CSRNP3: variants seen among roughly 807,000 people sequenced by gnomAD.
The protein encoded by CSRNP3 is cysteine/serine-rich nuclear protein 3.
Under a neutral mutation model 48.0 loss-of-function variants are expected in CSRNP3, and 12 were observed. That is an observed-to-expected ratio of 0.25 (90% CI 0.16 to 0.41). The LOEUF (loss-of-function observed/expected upper bound fraction) is 0.41, where lower values mean the gene tolerates loss of function less well. Among genes scored for constraint, CSRNP3 ranks in the 10% least tolerant of loss-of-function variants. CSRNP3 has a pLI of 1.00. For missense variants in CSRNP3, 580 were observed against 724.4 expected (o/e 0.80, Z 2.29); for synonymous variants, 263 against 269.7 (o/e 0.98, Z 0.24).
intron 5 of CSRNP3, among the ~76,000 whole-genome samples, chr2:165,669,806 C>T (rs993882262): frequency 7.2e-5 from 11 of 152,096 alleles, no homozygotes; most frequent in South Asian, 2.1e-4. Context: ...CATGTGCATG[C>T]GTGCCCACTC....
At chr2:165,605,803 A>G (rs1163108016) in intron 4 of CSRNP3, among the ~76,000 whole-genome samples, 2 of 152,188 alleles carry the variant, frequency 1.3e-5, no homozygotes, top group East Asian at 1.9e-4. Flanking sequence ...ATTCAAAATT[A>G]TTCTTCTGAA....
At chr2:165,636,463 A>G (rs555229902) in intron 4 of CSRNP3, among the ~76,000 whole-genome samples, 1 of 152,222 alleles carries the variant, frequency 6.6e-6, no homozygotes, top group South Asian at 2.1e-4. Context: ...GTCTTGAGAT[A>G]TTTTCCCAGT....
intron 5 of CSRNP3, among the ~76,000 whole-genome samples, chr2:165,665,753 T>G (rs1308630868): frequency 8.0e-6 from 1 of 125,248 alleles, no homozygotes; most frequent in Non-Finnish European, 1.6e-5. Context: ...GGCGACAGAG[T>G]GAGATTCTGG....
At chr2:165,548,101 A>C (rs1055642077) in intron 3 of CSRNP3, among the ~76,000 whole-genome samples, 2 of 152,122 alleles carry the variant, frequency 1.3e-5, no homozygotes, top group African/African-American at 2.4e-5. Flanking sequence ...TGTGAAAACT[A>C]ATTTGTGGTT....
intron 4 of CSRNP3, among the ~76,000 whole-genome samples, chr2:165,633,370 C>A (rs531848638): frequency 6.6e-6 from 1 of 152,254 alleles, no homozygotes; most frequent in African/African-American, 2.4e-5. Context: ...TGTGAAGCCT[C>A]GAATTCTGGC....
intron 4 of CSRNP3, 126 bp from the exon 5 acceptor site, chr2:165,657,635 T>A: frequency 8.9e-7 from 1 of 1,129,046 alleles, no homozygotes; most frequent in Non-Finnish European, 1.3e-6. Context: ...GATATAACAG[T>A]TTTAGAGTGC....
At chr2:165,619,356 C>T (rs147950433) in intron 4 of CSRNP3, among the ~76,000 whole-genome samples, 31 of 152,098 alleles carry the variant, frequency 2.0e-4, no homozygotes, top group African/African-American at 7.0e-4. Flanking sequence ...TCATACAATC[C>T]GAAAACTACA....
chr2:165,608,934 CAA>C (rs33952227), intron 4 of CSRNP3, among the ~76,000 whole-genome samples: 22,368 of 75,712 alleles, frequency 0.3, 2,026 homozygotes, highest in Admixed American at 0.39. Context: ...ACTAAAAATA[CAA>C]AAAAAAAAAA....
intron 4 of CSRNP3, among the ~76,000 whole-genome samples, chr2:165,632,021 T>C (rs1486890009): frequency 6.6e-6 from 1 of 152,256 alleles, no homozygotes; most frequent in South Asian, 2.1e-4. Flanking sequence ...TCAAGACTTG[T>C]TTGCAGAATT....
rs78315589 is a variant in CSRNP3, at chr2:165,657,805, G to A, written c.193G>A (p.Val65Ile). 5.0e-6 allele frequency: 8 copies of A among 1,614,066 alleles called. No homozygotes were observed. Among genetic ancestry groups the A allele is most frequent in the Non-Finnish European group, 6.8e-6 (8 of 1,179,992 alleles). ...KREKRLRTKN[V>I]HFSCVTVYYF... Reference sequence around the variant, plus strand: ...GGAGAAACGACTGAGGACAAAGAATGTACATTTTAGTTGTGTCACCGTGTA... The same window carrying A: ...GGAGAAACGACTGAGGACAAAGAATATACATTTTAGTTGTGTCACCGTGTA... The change falls in exon 5 of 7, where the codon GTA (valine) becomes ATA (isoleucine). Residue 65 changes from valine to isoleucine, a missense_variant. Coordinates refer to ENST00000651982, the MANE Select transcript of CSRNP3 (RefSeq NM_001172173.2).
chr2:165,578,925 A>T (rs1685496763), intron 3 of CSRNP3, among the ~76,000 whole-genome samples: 1 of 152,100 alleles, frequency 6.6e-6, no homozygotes, highest in South Asian at 2.1e-4. Flanking sequence ...GGTACTTAAA[A>T]CCTGTAAGCC....
Position 165,590,613 on chromosome 2 carries a change from G to T in CSRNP3, c.-23-4430G>T, listed in dbSNP as rs573419411. Among the ~76,000 whole-genome samples, 3 of 152,248 alleles carry T rather than the reference G, an allele frequency of 2.0e-5. No homozygotes were observed. The South Asian group carries it at 6.2e-4, about 32-fold the overall frequency. ...GGGATGGACCCGGTGGGAGGTAATT[G>T]AATCATGGAGGCCGTTACCTTCATG... is the stretch of plus-strand genomic sequence containing the variant. On this transcript the variant is annotated intron_variant, in intron 3 of 6. Coordinates refer to ENST00000651982, the MANE Select transcript of CSRNP3 (RefSeq NM_001172173.2).
chr2:165,621,805 C>G (rs1435763275), intron 4 of CSRNP3, among the ~76,000 whole-genome samples: 1 of 152,162 alleles, frequency 6.6e-6, no homozygotes, highest in Non-Finnish European at 1.5e-5. Flanking sequence ...CTTCCTTTCT[C>G]TACTGCCCTG....
chr2:165,625,847 C>T (rs1335824301), intron 4 of CSRNP3, among the ~76,000 whole-genome samples: 9 of 149,596 alleles, frequency 6.0e-5, no homozygotes, highest in Non-Finnish European at 1.0e-4. Context: ...GCAGGAGAAT[C>T]GCGTGAACTC....
chr2:165,590,822 C>T (rs1407928052), intron 3 of CSRNP3, among the ~76,000 whole-genome samples: 1 of 152,206 alleles, frequency 6.6e-6, no homozygotes, highest in East Asian at 1.9e-4. Flanking sequence ...GTCAATTAAA[C>T]CTCTTTTCTT....
chr2:165,593,514 G>T (rs1685757906), intron 3 of CSRNP3, among the ~76,000 whole-genome samples: 1 of 152,144 alleles, frequency 6.6e-6, no homozygotes, highest in South Asian at 2.1e-4. Flanking sequence ...CATTCAGGTA[G>T]CACACTTTGC....
At chr2:165,565,466 T>C (rs1685285277) in intron 3 of CSRNP3, among the ~76,000 whole-genome samples, 2 of 152,076 alleles carry the variant, frequency 1.3e-5, no homozygotes, top group African/African-American at 2.4e-5. Context: ...ACGTGTACTA[T>C]AACAACATGT....
At chr2:165,604,528 T>A (rs572283910) in intron 4 of CSRNP3, among the ~76,000 whole-genome samples, 1 of 152,334 alleles carries the variant, frequency 6.6e-6, no homozygotes, top group South Asian at 2.1e-4. Context: ...GGATCCTGAT[T>A]TATTACTTAT....
At chr2:165,671,907 G>A (rs1025303214) in intron 5 of CSRNP3, among the ~76,000 whole-genome samples, 12 of 152,024 alleles carry the variant, frequency 7.9e-5, no homozygotes, top group South Asian at 2.1e-4. Flanking sequence ...TCTCTAGAGC[G>A]GGGAAAAAAT....
Sources: allele counts gnomAD v4.1 joint callset (sites outside exome capture counted in the v4.1 genomes callset), GRCh38; gene constraint gnomAD v4.1.1; transcripts MANE v1.5; gene names NCBI Gene and HGNC (gene_info 2026-07-23, HGNC 2026-07-21).